The following PCDHA3 variants were observed in gnomAD, a reference collection of about 807,000 sequenced individuals.
The protein encoded by PCDHA3 is protocadherin alpha-3.
PCDHA3 carries 41 observed loss-of-function variants against 62.2 expected under a neutral mutation model. That is an observed-to-expected ratio of 0.66 (90% CI 0.51 to 0.86). The LOEUF is 0.86. PCDHA3 is among the 40% of genes least tolerant of loss of function. The pLI, the probability that PCDHA3 is intolerant of heterozygous loss-of-function variation, is 0.00. For missense variants in PCDHA3, 1,304 were observed against 1,241.2 expected (o/e 1.05, Z -0.76); for synonymous variants, 640 against 555.4 (o/e 1.15, Z -2.14).
Position 141,010,190 on chromosome 5 carries a change from C to G in PCDHA3, c.*253C>G. On this transcript the variant is annotated 3_prime_UTR_variant, in exon 4 of 4. Transcript: ENST00000522353. ...GAACCTAAAAAGCAGACCCAAGTTT[C>G]CTTTCTCCTCCGCCGCAAAGGAGAG... 1 of 1,552,504 alleles carries G rather than the reference C, an allele frequency of 6.4e-7. No individual in the cohort carries two copies. Among genetic ancestry groups the G allele is most frequent in the East Asian group, 2.4e-5 (1 of 40,930 alleles).
chr5:140,980,699 A>G (rs1183109723), intron 2 of PCDHA3, among the ~76,000 whole-genome samples: 1 of 152,186 alleles, frequency 6.6e-6, no homozygotes, highest in African/African-American at 2.4e-5. Flanking sequence ...AAAAAAGCCA[A>G]ATGTGCTCCT....
chr5:140,820,462 C>T (rs1766763072), intron 1 of PCDHA3, among the ~76,000 whole-genome samples: 1 of 151,950 alleles, frequency 6.6e-6, no homozygotes, highest in Non-Finnish European at 1.5e-5. Flanking sequence ...CTTGTCTTCA[C>T]AGGTAAGGGA....
chr5:140,821,686 A>G (rs1460155529), intron 1 of PCDHA3: 3 of 1,371,046 alleles, frequency 2.2e-6, no homozygotes, highest in African/African-American at 2.9e-5. Flanking sequence ...AGGCGATAAT[A>G]TAAAAAATAT....
rs1554229126 is a variant in PCDHA3 at position 140,967,062 on chromosome 5, T to C, written c.2395-11887T>C. 3 of 1,612,916 alleles carry C rather than the reference T, an allele frequency of 1.9e-6. No individual in the cohort carries two copies. In the Admixed American group the frequency reaches 5.0e-5, roughly 27 times the overall value. ...GAGCTGGACCTGACGAGTGGAGCGC[T>C]CTTCGTCAACGAGCGCATTGATCGG... On this transcript the variant is annotated intron_variant, in intron 1 of 3. Transcript: ENST00000522353.
chr5:141,010,201 C>G lies in PCDHA3; in HGVS notation c.*264C>G, dbSNP rs782495760. On this transcript the variant is annotated 3_prime_UTR_variant, in exon 4 of 4. Coordinates refer to ENST00000522353, the MANE Select transcript of PCDHA3 (RefSeq NM_018906.3). ...GCAGACCCAAGTTTCCTTTCTCCTC[C>G]GCCGCAAAGGAGAGGCTTCCCAGCC... 9.0e-6 allele frequency: 14 copies of G among 1,551,916 alleles called. No homozygotes were observed. Among genetic ancestry groups the G allele is most frequent in the Non-Finnish European group, 1.0e-5 (12 of 1,147,084 alleles).
rs975637071 is a variant in PCDHA3 at position 141,011,970 on chromosome 5, C to A, written c.*2033C>A. On this transcript the variant is annotated 3_prime_UTR_variant, in exon 4 of 4. Transcript: ENST00000522353. ...AGCATTAAATTTAAAAAAAAACTGTCTTGTCTACTTTTAGCTTCATTCTCC... is the reference window on the plus strand; with the variant it reads ...AGCATTAAATTTAAAAAAAAACTGTATTGTCTACTTTTAGCTTCATTCTCC... 6.5e-6 allele frequency: 1 copy of A among 153,576 alleles called. No individual in the cohort carries two copies. The highest frequency in any genetic ancestry group is 6.6e-5 in the Admixed American group (1 of 15,252). The allele number at this position is 153,576 out of a possible 1,614,324, so 9.5% of individuals were successfully genotyped here. A position where few individuals can be genotyped will look rare whatever the true frequency, so the allele number is the denominator to read the frequency against.
chr5:140,906,877 A>G (rs1361751716), intron 1 of PCDHA3, among the ~76,000 whole-genome samples: 1 of 152,122 alleles, frequency 6.6e-6, no homozygotes, highest in Non-Finnish European at 1.5e-5. Context: ...CAACACTGTA[A>G]CTTCCTTCTT....
intron 1 of PCDHA3, among the ~76,000 whole-genome samples, chr5:140,884,893 G>T (rs1186873075): frequency 1.3e-5 from 2 of 152,138 alleles, no homozygotes; most frequent in East Asian, 1.9e-4. Context: ...AGAATATTTT[G>T]TTTCTGTTGT....
rs2150361079 is a variant in PCDHA3, at chr5:140,843,485, C to G, written c.2394+39894C>G. On this transcript the variant is annotated intron_variant, in intron 1 of 3. Transcript: ENST00000522353. The stretch of plus-strand genomic sequence containing the variant: ...CACGCTGCTGCTGTACACTGCGCTG[C>G]GGTGCTCAGCACTGCCCACTGAGGG... The G allele has an allele frequency of 5.6e-6, 9 of 1,595,872 alleles. No homozygotes were observed. The African/African-American group carries it at 1.1e-4, about 19-fold the overall frequency.
At chr5:140,887,538 A>AC (rs1554183096) in intron 1 of PCDHA3, among the ~76,000 whole-genome samples, 1 of 151,216 alleles carries the variant, frequency 6.6e-6, no homozygotes, top group Admixed American at 6.6e-5. Flanking sequence ...TCCTCTCCCC[A>AC]CCCCTCATGG....
intron 1 of PCDHA3, chr5:140,926,257 C>CT (rs1336723706): frequency 4.6e-5 from 7 of 152,300 alleles, no homozygotes; most frequent in African/African-American, 1.7e-4. Flanking sequence ...ACCGTCCCGC[C>CT]TCTCGCCGCC....
intron 1 of PCDHA3, among the ~76,000 whole-genome samples, chr5:140,846,373 C>CT (rs2150388509): frequency 0.025 from 1,401 of 55,028 alleles, 84 homozygotes; most frequent in East Asian, 0.045. Context: ...TTCTTTCTTT[C>CT]TTTTTTTTTT....
At chr5:140,928,032 TAGTGC>T (rs782031018) in intron 1 of PCDHA3, 7 of 1,614,216 alleles carry the variant, frequency 4.3e-6, no homozygotes, top group Non-Finnish European at 5.9e-6. Context: ...GTGGCATGTC[TAGTGC>T]AGGCCCTTTT....
intron 1 of PCDHA3, chr5:140,877,747 T>C (rs1554170075): frequency 1.2e-6 from 2 of 1,614,172 alleles, no homozygotes; most frequent in Non-Finnish European, 8.5e-7. Context: ...GCAGAGGGTG[T>C]GCTCTGCAGA....
chr5:140,807,843 A>C, intron 1 of PCDHA3: 1 of 1,614,202 alleles, frequency 6.2e-7, no homozygotes, highest in Non-Finnish European at 8.5e-7. Flanking sequence ...GATGGAGGCA[A>C]ACCCGAGTTG....
intron 1 of PCDHA3, chr5:140,828,167 G>T (rs2150151697): frequency 2.5e-6 from 4 of 1,614,056 alleles, no homozygotes; most frequent in Non-Finnish European, 3.4e-6. Context: ...AGCCTGGAAG[G>T]TGGGGAGCGG....
chr5:140,828,709 T>C, intron 1 of PCDHA3: 2 of 1,614,254 alleles, frequency 1.2e-6, no homozygotes, highest in Non-Finnish European at 8.5e-7. Flanking sequence ...AGGAAGCTCC[T>C]GCACACAACT....
chr5:140,823,811 C>A (rs1554129612), intron 1 of PCDHA3: 2 of 1,613,820 alleles, frequency 1.2e-6, no homozygotes, highest in Middle Eastern at 1.7e-4. Flanking sequence ...AAGGCCTCAT[C>A]GCGGGCGTCG....
At position 140,849,641 on chromosome 5, in the gene PCDHA3, C is replaced by A. The variant is rs2150443548; in HGVS notation, c.2394+46050C>A. 5 of 1,598,742 alleles carry A rather than the reference C, an allele frequency of 3.1e-6. 2 individuals are homozygous for A. Among genetic ancestry groups the A allele is most frequent in the Non-Finnish European group, 2.6e-6 (3 of 1,167,966 alleles). ...TGATCGACCTAGACGCAGATGCCAA[C>A]GGGCAGGTTACCTGCTCCCTGACGC... On this transcript the variant is annotated intron_variant, in intron 1 of 3. Coordinates refer to ENST00000522353, the MANE Select transcript of PCDHA3 (RefSeq NM_018906.3).
Sources: allele counts gnomAD v4.1 joint callset (sites outside exome capture counted in the v4.1 genomes callset), GRCh38; gene constraint gnomAD v4.1.1; transcripts MANE v1.5; gene names NCBI Gene and HGNC (gene_info 2026-07-23, HGNC 2026-07-21).